Variants in STOX2 observed in about 807,000 individuals in gnomAD.
STOX2 encodes the protein storkhead-box protein 2.
Under a neutral mutation model 60.9 loss-of-function variants are expected in STOX2, and 28 were observed. The observed-to-expected ratio is 0.46, with a 90% CI of 0.34 to 0.63. The LOEUF is 0.63. STOX2 is among the 30% of genes least tolerant of loss of function. STOX2 has a pLI of 0.01. For missense variants in STOX2, 1,024 were observed against 1,187.7 expected, an observed-to-expected ratio of 0.86 and a Z score of 2.03; for synonymous variants, 472 against 463.9, an observed-to-expected ratio of 1.02 and a Z score of -0.22.
chr4:183,988,472 A>T (rs936875758), intron 1 of STOX2: 1 of 152,128 alleles, frequency 6.6e-6, no homozygotes, highest in African/African-American at 2.4e-5. Context: ...ACATTCACAG[A>T]GCCTTTTTAA....
chr4:183,915,814 G>T (rs1352117746), intron 1 of STOX2, among the ~76,000 whole-genome samples: 1 of 152,182 alleles, frequency 6.6e-6, no homozygotes, highest in Non-Finnish European at 1.5e-5. Context: ...TCAGGGTCCC[G>T]GAAGGAAACA....
At chr4:183,886,807 A>T (rs1375055501) in intron 1 of STOX2, among the ~76,000 whole-genome samples, 1 of 152,216 alleles carries the variant, frequency 6.6e-6, no homozygotes, top group East Asian at 1.9e-4. Flanking sequence ...CCTTAAAAAC[A>T]ACCCCACTCT....
At chr4:183,834,796 T>C (rs1739662117) in intron 1 of STOX2, among the ~76,000 whole-genome samples, 1 of 152,238 alleles carries the variant, frequency 6.6e-6, no homozygotes, top group African/African-American at 2.4e-5. Flanking sequence ...TAGCACTTAC[T>C]CTGTGTCAGG....
At chr4:183,852,566 G>GATGAGAGAAAGGATGAGAGAAAGA (rs1740180491) in intron 1 of STOX2, among the ~76,000 whole-genome samples, 1 of 151,916 alleles carries the variant, frequency 6.6e-6, no homozygotes. Context: ...TGAGAGAAAG[G>GATGAGAGAAAGGATGAGAGAAAGA]ATGAGGGAAA....
chr4:184,006,179 C>T (rs966233047), intron 2 of STOX2, among the ~76,000 whole-genome samples: 7 of 152,132 alleles, frequency 4.6e-5, no homozygotes, highest in African/African-American at 7.2e-5. Context: ...ATTTTTATGA[C>T]GTATACATCA....
intron 1 of STOX2, among the ~76,000 whole-genome samples, chr4:183,866,199 T>G (rs1016366678): frequency 6.6e-6 from 1 of 152,178 alleles, no homozygotes; most frequent in Non-Finnish European, 1.5e-5. Context: ...TGGCCACCCC[T>G]CTGCCCCTTC....
chr4:183,903,385 G>C (rs1741505634), upstream of STOX2, among the ~76,000 whole-genome samples: 1 of 152,162 alleles, frequency 6.6e-6, no homozygotes, highest in Non-Finnish European at 1.5e-5. Context: ...CTTTGCTTGA[G>C]TGGCTCCTCA....
At chr4:184,007,993 G>A (rs1228904215) in intron 2 of STOX2, among the ~76,000 whole-genome samples, 1 of 152,200 alleles carries the variant, frequency 6.6e-6, no homozygotes, top group African/African-American at 2.4e-5. Flanking sequence ...AGTGACACCA[G>A]CTAACAATGA....
chr4:183,936,417 C>CTT (rs11340665), intron 1 of STOX2, among the ~76,000 whole-genome samples: 3 of 144,886 alleles, frequency 2.1e-5, no homozygotes, highest in Admixed American at 6.9e-5. Context: ...TATTTTCTCT[C>CTT]TTTTTTTTTT....
intron 1 of STOX2, among the ~76,000 whole-genome samples, chr4:183,898,391 G>A (rs1304293596): frequency 2.6e-5 from 4 of 152,188 alleles, no homozygotes; most frequent in African/African-American, 9.7e-5. Context: ...CCCAGAGGTT[G>A]GGAGACTGGG....
chr4:183,837,736 C>A lies in STOX2; in HGVS notation c.364+39681C>A, dbSNP rs1220488105. Among the ~76,000 whole-genome samples, 8 of 152,232 alleles carry A rather than the reference C, an allele frequency of 5.3e-5. No homozygotes were observed. In the East Asian group the frequency reaches 1.5e-3, roughly 29 times the overall value. ...AGCCTCCCAAAGTGCTGGGATTACA[C>A]ATGTGAGCCACCGCACCTGGCCTCC... On this transcript the variant is annotated intron_variant, in intron 1 of 2. Coordinates refer to the STOX2 transcript ENST00000513034.
intron 1 of STOX2, among the ~76,000 whole-genome samples, chr4:183,946,950 C>T (rs986151648): frequency 1.3e-5 from 2 of 152,048 alleles, no homozygotes; most frequent in African/African-American, 4.8e-5. Flanking sequence ...ATAGTATTTA[C>T]GTTGTATTAT....
intron 1 of STOX2, among the ~76,000 whole-genome samples, chr4:183,859,013 G>A (rs1324331890): frequency 6.6e-6 from 1 of 151,990 alleles, no homozygotes; most frequent in Non-Finnish European, 1.5e-5. Flanking sequence ...TCTGCCACCC[G>A]CCCCACATTC....
intron 3 of STOX2, chr4:184,014,274 A>G (rs987634839): frequency 3.9e-5 from 6 of 152,192 alleles, no homozygotes; most frequent in African/African-American, 1.4e-4. Context: ...GAAAAAGGGT[A>G]GAAACTTGAA....
chr4:183,900,995 C>T (rs1017120870), upstream of STOX2, among the ~76,000 whole-genome samples: 5 of 152,058 alleles, frequency 3.3e-5, no homozygotes, highest in Admixed American at 6.6e-5. Flanking sequence ...CATCTATCTC[C>T]GTAATTCTTT....
intron 1 of STOX2, among the ~76,000 whole-genome samples, chr4:183,860,375 T>G (rs1740401827): frequency 6.8e-6 from 1 of 147,766 alleles, no homozygotes; most frequent in African/African-American, 2.5e-5. Context: ...TTCAGTGCTG[T>G]GACCTTCCCA....
intron 1 of STOX2, among the ~76,000 whole-genome samples, chr4:183,845,073 C>G (rs985830365): frequency 6.6e-6 from 1 of 152,220 alleles, no homozygotes; most frequent in Admixed American, 6.5e-5. Flanking sequence ...CCTTTCCAAA[C>G]TGTAGAGATG....
chr4:184,002,546 G>T (rs1348846315), intron 2 of STOX2, among the ~76,000 whole-genome samples: 1 of 152,206 alleles, frequency 6.6e-6, no homozygotes, highest in African/African-American at 2.4e-5. Flanking sequence ...GGCCCAGCAG[G>T]GTAGTTCTGC....
At chr4:183,848,633 G>C (rs1368375131) in intron 1 of STOX2, among the ~76,000 whole-genome samples, 2 of 152,212 alleles carry the variant, frequency 1.3e-5, no homozygotes, top group Non-Finnish European at 2.9e-5. Flanking sequence ...TAGAAGCTAA[G>C]AGGGATGGCT....
Sources: gnomAD v4.1 joint callset for allele counts (sites outside exome capture counted in the v4.1 genomes callset) on GRCh38, gnomAD v4.1.1 for gene constraint, MANE v1.5 for transcripts, NCBI Gene and HGNC (gene_info 2026-07-23, HGNC 2026-07-21) for gene names.